The following ANAPC10 variants were observed in gnomAD, a reference collection of about 807,000 sequenced individuals.
The protein encoded by ANAPC10 is anaphase-promoting complex subunit 10.
ANAPC10 carries 12 observed loss-of-function variants against 22.0 expected under a neutral mutation model. That is an observed-to-expected ratio of 0.55 (90% CI 0.35 to 0.88). The LOEUF (loss-of-function observed/expected upper bound fraction) is 0.88. Among genes scored for constraint, ANAPC10 ranks in the 40% least tolerant of loss-of-function variants. The pLI, the probability that ANAPC10 is intolerant of heterozygous loss-of-function variation, is 0.01. For missense variants in ANAPC10, 188 were observed against 220.9 expected (o/e 0.85, Z 0.94); for synonymous variants, 65 against 69.5 (o/e 0.94, Z 0.32).
intron 4 of ANAPC10, among the ~76,000 whole-genome samples, chr4:145,028,263 T>C (rs1045185439): frequency 6.6e-6 from 1 of 152,094 alleles, no homozygotes; most frequent in African/African-American, 2.4e-5. Context: ...CCAGCGAATA[T>C]AAAGCAGGCA....
intron 4 of ANAPC10, among the ~76,000 whole-genome samples, chr4:145,038,322 G>A (rs1472823252): frequency 6.6e-6 from 1 of 151,700 alleles, no homozygotes; most frequent in Non-Finnish European, 1.5e-5. Context: ...AGACCAGCCT[G>A]GCCAACATGG....
intron 3 of ANAPC10, among the ~76,000 whole-genome samples, chr4:145,072,416 T>C (rs1744618746): frequency 6.6e-6 from 1 of 152,234 alleles, no homozygotes; most frequent in Non-Finnish European, 1.5e-5. Context: ...GCTTATTTTC[T>C]ATGTGAAGAA....
chr4:145,060,473 C>T (rs549364233), intron 4 of ANAPC10, among the ~76,000 whole-genome samples: 1 of 151,956 alleles, frequency 6.6e-6, no homozygotes, highest in East Asian at 1.9e-4. Context: ...CTAAATAAGG[C>T]AGCTATATGC....
chr4:145,007,546 G>T (rs789343), intron 4 of ANAPC10, among the ~76,000 whole-genome samples: 151,886 of 152,272 alleles, frequency 1, 75,753 homozygotes, highest in East Asian at 1. Context: ...CTCAACTACA[G>T]GGAAACTGAA....
intron 2 of ANAPC10, among the ~76,000 whole-genome samples, chr4:145,086,550 T>C (rs1440147083): frequency 6.6e-6 from 1 of 152,186 alleles, no homozygotes; most frequent in African/African-American, 2.4e-5. Context: ...TGAGAGTTTA[T>C]GTTGTGATAA....
chr4:145,032,610 G>A (rs1737794121), intron 4 of ANAPC10, among the ~76,000 whole-genome samples: 1 of 152,210 alleles, frequency 6.6e-6, no homozygotes, highest in South Asian at 2.1e-4. Flanking sequence ...ATCGCCCAAT[G>A]GGCCCATGAA....
intron 2 of ANAPC10, among the ~76,000 whole-genome samples, chr4:145,090,620 TG>T (rs1747537021): frequency 6.6e-6 from 1 of 152,238 alleles, no homozygotes; most frequent in Non-Finnish European, 1.5e-5. Flanking sequence ...ATGTGATCTT[TG>T]TCAAATTACT....
chr4:145,010,689 G>C (rs977343183), intron 4 of ANAPC10, among the ~76,000 whole-genome samples: 4 of 151,984 alleles, frequency 2.6e-5, no homozygotes, highest in African/African-American at 9.7e-5. Context: ...GGGGAAAGAG[G>C]GGGAGGGATA....
At chr4:145,034,523 T>TTATATATATATATA (rs370113295) in intron 4 of ANAPC10, among the ~76,000 whole-genome samples, 1,000 of 91,194 alleles carry the variant, frequency 0.011, 6 homozygotes, top group Admixed American at 0.019. Context: ...AAACTCTCCT[T>TTATATATATATATA]TATATATATA....
rs537126109 is a variant in ANAPC10, at chr4:145,076,094, C to G, written c.206+5566G>C. Among the ~76,000 whole-genome samples the G allele has an allele frequency of 5.3e-5, 8 of 152,332 alleles. No homozygotes were observed. In the East Asian group the frequency reaches 1.5e-3, roughly 29 times the overall value. ...GCCACTGCCATAGCTTTTTCACCAA[C>G]AGACCCCACCTAACCAACAGAAAGC... On this transcript the variant is annotated intron_variant, in intron 3 of 4. Coordinates refer to ENST00000507656, the MANE Select transcript of ANAPC10 (RefSeq NM_001256706.2).
chr4:145,059,062 AT>A (rs1742494185), intron 4 of ANAPC10, among the ~76,000 whole-genome samples: 1 of 152,190 alleles, frequency 6.6e-6, no homozygotes, highest in African/African-American at 2.4e-5. Context: ...TTTCTGTCTT[AT>A]CAAACCAATT....
chr4:145,096,396 T>C (rs981019855), intron 1 of ANAPC10, among the ~76,000 whole-genome samples: 2 of 151,996 alleles, frequency 1.3e-5, no homozygotes, highest in African/African-American at 4.8e-5. Context: ...CATCTCTATT[T>C]TTAAATAAAT....
intron 4 of ANAPC10, among the ~76,000 whole-genome samples, chr4:145,032,252 A>G (rs1233483553): frequency 2.0e-5 from 3 of 152,226 alleles, no homozygotes; most frequent in African/African-American, 7.2e-5. Context: ...GTGAAAGGAA[A>G]TCTTCCCAGT....
intron 3 of ANAPC10, among the ~76,000 whole-genome samples, chr4:145,072,696 T>A (rs1020226150): frequency 4.6e-5 from 7 of 152,146 alleles, no homozygotes; most frequent in African/African-American, 1.7e-4. Context: ...ATCTACCCAA[T>A]CCTAAATCAC....
At position 145,051,548 on chromosome 4, in the gene ANAPC10, A is replaced by C. The variant is rs373349588; in HGVS notation, c.327+13024T>G. Among the ~76,000 whole-genome samples the C allele has an allele frequency of 2.0e-5, 3 of 152,196 alleles. No homozygotes were observed. In the East Asian group the frequency reaches 5.8e-4, roughly 29 times the overall value. ...TTGTAATAAAATGCAGTTATCTATA[A>C]AGTGCAATAAGGTGAAAAGCATAAA... On this transcript the variant is annotated intron_variant, in intron 4 of 4. Transcript: ENST00000507656.
intron 2 of ANAPC10, among the ~76,000 whole-genome samples, chr4:145,083,081 T>C (rs1746312886): frequency 6.6e-6 from 1 of 152,180 alleles, no homozygotes; most frequent in Admixed American, 6.5e-5. Context: ...CATGTTGGTG[T>C]TTTTTAATTT....
At chr4:145,092,702 C>T (rs1343186056) in intron 2 of ANAPC10, among the ~76,000 whole-genome samples, 1 of 152,222 alleles carries the variant, frequency 6.6e-6, no homozygotes, top group Non-Finnish European at 1.5e-5. Flanking sequence ...GTCAGTGCTA[C>T]AGATACAGAG....
intron 4 of ANAPC10, chr4:145,053,906 G>A: frequency 2.6e-6 from 1 of 391,628 alleles, no homozygotes; most frequent in Non-Finnish European, 4.6e-6. Flanking sequence ...GATTACTACT[G>A]TGTGTGTGTG....
rs2126817271 is a variant in ANAPC10 at position 144,995,683 on chromosome 4, T to A, written c.328-80A>T. ...ACAATGAATGCATTCTATAATAAAATAACTTATAATTAACATTTTGCTCAA... is the reference window on the plus strand; with the variant it reads ...ACAATGAATGCATTCTATAATAAAAAAACTTATAATTAACATTTTGCTCAA... On this transcript the variant is annotated intron_variant, in intron 4 of 4. Transcript: ENST00000507656. The A allele has an allele frequency of 9.8e-6, 9 of 914,756 alleles. No individual in the cohort carries two copies. The South Asian group carries it at 1.2e-4, about 13-fold the overall frequency. 56.7% of individuals were successfully genotyped at this position (914,756 alleles called of 1,614,324 possible).
Sources: allele counts gnomAD v4.1 joint callset (sites outside exome capture counted in the v4.1 genomes callset), GRCh38; gene constraint gnomAD v4.1.1; transcripts MANE v1.5; gene names NCBI Gene and HGNC (gene_info 2026-07-23, HGNC 2026-07-21).